Variants in GRIA1 observed in about 807,000 individuals in gnomAD.
GRIA1 encodes glutamate ionotropic receptor AMPA type subunit 1.
In GRIA1, 31 loss-of-function variants were observed where a neutral mutation model predicts 99.2. The ratio of observed to expected loss-of-function variants is 0.31; its 90% confidence interval spans 0.23 to 0.42. The LOEUF is 0.42. Among genes scored for constraint, GRIA1 ranks in the 10% least tolerant of loss-of-function variants. The probability of loss-of-function intolerance (pLI) is 1.00; values close to 1 mark genes in which losing one functional copy is unlikely to be tolerated. For synonymous variants in GRIA1, 438 were observed against 432.4 expected (o/e 1.01, Z -0.16); for missense variants, 782 against 1,157.5 (o/e 0.68, Z 4.71).
chr5:153,494,326 T>G (rs1306026195), intron 2 of GRIA1: 1 of 441,878 alleles, frequency 2.3e-6, no homozygotes, highest in Non-Finnish European at 4.1e-6. Flanking sequence ...TTGGGTTGAC[T>G]GCATCTTCCC....
At chr5:153,634,613 G>C (rs775529470) in intron 2 of GRIA1, among the ~76,000 whole-genome samples, 3 of 152,168 alleles carry the variant, frequency 2.0e-5, no homozygotes, top group Non-Finnish European at 4.4e-5. Context: ...AGAGTTCAAA[G>C]TGCCCTTATT....
At chr5:153,647,940 A>G (rs570456642) in intron 3 of GRIA1, among the ~76,000 whole-genome samples, 2 of 152,108 alleles carry the variant, frequency 1.3e-5, no homozygotes, top group African/African-American at 4.8e-5. Context: ...GGATGGGAGC[A>G]CTCTCTCCAA....
intron 11 of GRIA1, among the ~76,000 whole-genome samples, chr5:153,727,028 C>T (rs1205477785): frequency 2.0e-5 from 3 of 152,140 alleles, no homozygotes; most frequent in Admixed American, 6.5e-5. Context: ...CATCAAAAAG[C>T]TTATCCACCA....
chr5:153,493,769 G>C (rs1203962406), intron 1 of GRIA1, among the ~76,000 whole-genome samples, 159 bp from the exon 2 acceptor site: 2 of 152,170 alleles, frequency 1.3e-5, no homozygotes, highest in Admixed American at 6.6e-5. Flanking sequence ...TTAAGTTTCA[G>C]TGTCCAGTTA....
intron 8 of GRIA1, among the ~76,000 whole-genome samples, chr5:153,695,684 G>A (rs1354226747): frequency 2.0e-5 from 3 of 152,174 alleles, no homozygotes; most frequent in Non-Finnish European, 2.9e-5. Context: ...TGAGTTTCTG[G>A]TTCTTCTGTC....
chr5:153,597,451 C>T (rs1387629663), intron 2 of GRIA1, among the ~76,000 whole-genome samples: 4 of 152,146 alleles, frequency 2.6e-5, no homozygotes, highest in African/African-American at 9.7e-5. Context: ...GGTTTGTATT[C>T]TGGTTGCTTC....
intron 2 of GRIA1, among the ~76,000 whole-genome samples, chr5:153,610,829 T>C (rs543597569): frequency 2.6e-5 from 4 of 152,304 alleles, no homozygotes; most frequent in Non-Finnish European, 5.9e-5. Context: ...CAAATAAAAA[T>C]AGCTATTTAT....
intron 13 of GRIA1, among the ~76,000 whole-genome samples, chr5:153,791,136 A>T (rs547926781): frequency 7.7e-6 from 1 of 129,924 alleles, no homozygotes; most frequent in Admixed American, 8.2e-5. Flanking sequence ...CTGTCTCCTT[A>T]AAAAAAAAGA....
At chr5:153,723,389 G>T (rs1760224235) in intron 11 of GRIA1, among the ~76,000 whole-genome samples, 1 of 152,206 alleles carries the variant, frequency 6.6e-6, no homozygotes, top group East Asian at 1.9e-4. Context: ...CAGACAGTGG[G>T]CGCAGGACAG....
intron 13 of GRIA1, among the ~76,000 whole-genome samples, chr5:153,776,680 C>G (rs906893616): frequency 3.9e-5 from 6 of 152,182 alleles, no homozygotes; most frequent in African/African-American, 1.4e-4. Flanking sequence ...TTCACACAAC[C>G]CTGTGCTGGA....
At chr5:153,647,918 C>A (rs1046418484) in intron 3 of GRIA1, among the ~76,000 whole-genome samples, 7 of 152,192 alleles carry the variant, frequency 4.6e-5, no homozygotes, top group African/African-American at 1.7e-4. Context: ...TGTCCCTATT[C>A]CCCAATTCTG....
intron 2 of GRIA1, among the ~76,000 whole-genome samples, chr5:153,545,196 T>C (rs1041492342): frequency 6.6e-6 from 1 of 152,100 alleles, no homozygotes; most frequent in African/African-American, 2.4e-5. Context: ...TGGAGATGGA[T>C]CAAGGGTCCA....
intron 2 of GRIA1, among the ~76,000 whole-genome samples, chr5:153,524,521 G>A (rs1757436089): frequency 6.6e-6 from 1 of 152,118 alleles, no homozygotes; most frequent in Non-Finnish European, 1.5e-5. Flanking sequence ...TATCCTTCTG[G>A]ACTAGCTTTC....
intron 2 of GRIA1, among the ~76,000 whole-genome samples, chr5:153,600,114 C>T (rs1408093500): frequency 2.0e-5 from 3 of 151,890 alleles, no homozygotes; most frequent in African/African-American, 4.8e-5. Context: ...AGTCTGGACC[C>T]GGCGCGGTGG....
intron 2 of GRIA1, 52 bp downstream of exon 2, chr5:153,494,117 A>T: frequency 6.3e-7 from 1 of 1,583,512 alleles, no homozygotes; most frequent in Non-Finnish European, 8.6e-7. Flanking sequence ...GACCAATGAA[A>T]GGAGGGCCTG....
intron 11 of GRIA1, among the ~76,000 whole-genome samples, chr5:153,750,924 C>T (rs1026271306): frequency 6.6e-6 from 1 of 152,004 alleles, no homozygotes; most frequent in African/African-American, 2.4e-5. Flanking sequence ...TGATGAAACC[C>T]CGTCTCTACT....
At chr5:153,536,844 T>G (rs1393481038) in intron 2 of GRIA1, among the ~76,000 whole-genome samples, 1 of 152,224 alleles carries the variant, frequency 6.6e-6, no homozygotes, top group Non-Finnish European at 1.5e-5. Flanking sequence ...CTCTTCTCCA[T>G]CAGTATTGCC....
rs977121555 is a variant in GRIA1, at chr5:153,551,883, T to C, written c.220+57818T>C. 3.9e-5 allele frequency among the ~76,000 whole-genome samples: 6 copies of C among 152,194 alleles called. No individual in the cohort carries two copies. In the East Asian group the frequency reaches 9.6e-4, roughly 24 times the overall value. On this transcript the variant is annotated intron_variant, in intron 2 of 15. Transcript: ENST00000285900. ...TGTGATCATGATACATTGTAAAGTA[T>C]GTGGTTCCTTTTTCAAAGGGAAAAT...
At chr5:153,668,071 A>G (rs1755875637) in intron 5 of GRIA1, among the ~76,000 whole-genome samples, 1 of 152,054 alleles carries the variant, frequency 6.6e-6, no homozygotes, top group East Asian at 1.9e-4. Flanking sequence ...TCCTCTCACC[A>G]GCCATATAAC....
Sources: gnomAD v4.1 joint callset for allele counts (sites outside exome capture counted in the v4.1 genomes callset) on GRCh38, gnomAD v4.1.1 for gene constraint, MANE v1.5 for transcripts, NCBI Gene and HGNC (gene_info 2026-07-23, HGNC 2026-07-21) for gene names.